NBN: variants seen among roughly 807,000 people sequenced by gnomAD.
NBN encodes nibrin.
In NBN, 88 loss-of-function variants were observed where a neutral mutation model predicts 90.8. The observed-to-expected ratio is 0.97, with a 90% CI of 0.82 to 1.16. The LOEUF (loss-of-function observed/expected upper bound fraction) is 1.16. Ranked by LOEUF, NBN falls within the 50% of genes most tolerant of loss-of-function variation. The pLI, the probability that NBN is intolerant of heterozygous loss-of-function variation, is 0.00. For missense variants in NBN, 894 were observed against 869.6 expected (o/e 1.03, Z -0.35); for synonymous variants, 328 against 295.1 (o/e 1.11, Z -1.14).
At chr8:89,978,670 AT>A (rs1413808930) in intron 4 of NBN, among the ~76,000 whole-genome samples, 5 of 152,218 alleles carry the variant, frequency 3.3e-5, no homozygotes, top group African/African-American at 1.2e-4. Context: ...TGTTAAAAAT[AT>A]ATTTCAGAAT....
chr8:89,979,231 G>A (rs942887398), intron 4 of NBN, among the ~76,000 whole-genome samples: 3 of 152,074 alleles, frequency 2.0e-5, no homozygotes, highest in East Asian at 1.9e-4. Flanking sequence ...CTCCCACCTC[G>A]GCATCCCAAA....
intron 8 of NBN, among the ~76,000 whole-genome samples, chr8:89,960,236 TTCTC>T (rs1390472969): frequency 2.0e-5 from 3 of 152,240 alleles, no homozygotes; most frequent in Non-Finnish European, 4.4e-5. Context: ...TTCCGCCACT[TTCTC>T]TATGTGACCT....
At chr8:89,940,784 G>A (rs1809904130) in intron 14 of NBN, among the ~76,000 whole-genome samples, 1 of 151,866 alleles carries the variant, frequency 6.6e-6, no homozygotes. Context: ...AATGAAAAAA[G>A]AACAAATGCT....
At chr8:89,981,676 C>G in intron 2 of NBN, 153 bp from the exon 3 acceptor site, 1 of 752,034 alleles carries the variant, frequency 1.3e-6, no homozygotes, top group Non-Finnish European at 2.1e-6. Context: ...AGAGGAAGAT[C>G]ACTCAACTAA....
chr8:89,974,169 T>C (rs1165526745), intron 5 of NBN, among the ~76,000 whole-genome samples: 3 of 152,106 alleles, frequency 2.0e-5, no homozygotes, highest in African/African-American at 7.2e-5. Flanking sequence ...CACATACTTA[T>C]TTGTTCAATA....
rs749206453 is a variant in NBN, at chr8:89,982,746, A to T, written c.147T>A (p.Thr49=). 6.2e-7 allele frequency: 1 copy of T among 1,614,030 alleles called. No individual in the cohort carries two copies. Among genetic ancestry groups the T allele is most frequent in the Non-Finnish European group, 8.5e-7 (1 of 1,179,942 alleles). The change falls in exon 2 of 16, where the codon ACT becomes ACA. Residue 49 remains threonine, a synonymous_variant. Coordinates refer to ENST00000265433, the MANE Select transcript of NBN (RefSeq NM_002485.5). The part of the protein sequence containing the change: ...QSISRNHAVL[T]ANFSVTNLSQ... ...CCAGGTTGGTTACAGAAAAGTTAGC[A>T]GTTAACACAGCATGATTTCGGCTGA...
Position 89,966,786 on chromosome 8 carries a change from G to A in NBN, c.897-2279C>T, listed in dbSNP as rs556550748. Among the ~76,000 whole-genome samples, 4 of 152,302 alleles carry A rather than the reference G, an allele frequency of 2.6e-5. No homozygotes were observed. The South Asian group carries it at 8.3e-4, about 32-fold the overall frequency. ...TACCAGCTAGGAGGACTTCATGGAA[G>A]TTATACTAATTAAGACAATGTGGTA... On this transcript the variant is annotated intron_variant, in intron 7 of 15. Coordinates refer to ENST00000265433, the MANE Select transcript of NBN (RefSeq NM_002485.5).
chr8:89,951,608 G>A (rs907973226), intron 11 of NBN, among the ~76,000 whole-genome samples: 1 of 152,138 alleles, frequency 6.6e-6, no homozygotes, highest in African/African-American at 2.4e-5. Context: ...AGCAAATGAT[G>A]TCTTGGATTT....
At chr8:89,968,516 C>T (rs934817638) in intron 7 of NBN, among the ~76,000 whole-genome samples, 1 of 152,160 alleles carries the variant, frequency 6.6e-6, no homozygotes, top group African/African-American at 2.4e-5. Flanking sequence ...AGGACCACAA[C>T]AGTAAATAAT....
Position 89,955,333 on chromosome 8 carries a change from C to T in NBN, c.1347G>A (p.Gln449=), listed in dbSNP as rs761492204. ...AGTTTCTGATGGAGTTGGTCTGCTG[C>T]TGCTGAGAAGCCCTATCTTTACTTT... is the stretch of plus-strand genomic sequence containing the variant. ...INKSKDRASQ[Q]QQTNSIRNYF... is the part of the protein sequence containing the mutation. Residue 449 remains glutamine, a synonymous_variant, in exon 10 of 16, where the codon CAG becomes CAA. Coordinates refer to ENST00000265433, the MANE Select transcript of NBN (RefSeq NM_002485.5). 3 of 1,613,746 alleles carry T rather than the reference C, an allele frequency of 1.9e-6. No homozygotes were observed. The highest frequency in any genetic ancestry group is 1.1e-5 in the South Asian group (1 of 91,068).
At chr8:89,966,594 A>G (rs1374276795) in intron 7 of NBN, among the ~76,000 whole-genome samples, 2 of 152,240 alleles carry the variant, frequency 1.3e-5, no homozygotes, top group East Asian at 3.8e-4. Flanking sequence ...AAAAACAATT[A>G]AAATTTACAT....
chr8:89,938,219 C>T (rs931345065), intron 14 of NBN, among the ~76,000 whole-genome samples: 1 of 152,158 alleles, frequency 6.6e-6, no homozygotes, highest in Non-Finnish European at 1.5e-5. Flanking sequence ...TAGAGTAAGT[C>T]CTGACTTAAT....
In NBN at chr8:89,962,227, G is replaced by A. The variant is rs533375851; in HGVS notation, c.994+2183C>T. 3.0e-4 allele frequency among the ~76,000 whole-genome samples: 45 copies of A among 152,230 alleles called. No homozygotes were observed. In the South Asian group the frequency reaches 6.4e-3, roughly 22 times the overall value. Reference sequence around the variant, plus strand: ...ATGTTCTGAATCATGGACAATGTACGTTTGTATTCAGAATTGTTTCTGAAG... The same window carrying A: ...ATGTTCTGAATCATGGACAATGTACATTTGTATTCAGAATTGTTTCTGAAG... On this transcript the variant is annotated intron_variant, in intron 8 of 15. Transcript: ENST00000265433.
chr8:89,971,979 T>C (rs1247749919), intron 5 of NBN, among the ~76,000 whole-genome samples: 1 of 152,220 alleles, frequency 6.6e-6, no homozygotes, highest in South Asian at 2.1e-4. Flanking sequence ...TTGCTACAGC[T>C]GTTCATAACT....
intron 13 of NBN, among the ~76,000 whole-genome samples, chr8:89,944,574 T>A (rs1334472725): frequency 6.6e-6 from 1 of 152,144 alleles, no homozygotes; most frequent in Non-Finnish European, 1.5e-5. Flanking sequence ...TAAATTCTTT[T>A]CACCAACCCG....
At chr8:89,956,851 T>C (rs1371853045) in intron 9 of NBN, among the ~76,000 whole-genome samples, 1 of 152,214 alleles carries the variant, frequency 6.6e-6, no homozygotes, top group African/African-American at 2.4e-5. Flanking sequence ...CAACATATGA[T>C]GCTGGTCCCA....
intron 1 of NBN, chr8:89,984,175 G>C (rs1050491095): frequency 2.3e-6 from 1 of 427,320 alleles, no homozygotes; most frequent in Non-Finnish European, 4.3e-6. Flanking sequence ...ACTTCCTGCC[G>C]GGGGTTCCCA....
At chr8:89,944,372 T>G (rs1171211722) in intron 13 of NBN, among the ~76,000 whole-genome samples, 2 of 152,148 alleles carry the variant, frequency 1.3e-5, no homozygotes, top group African/African-American at 4.8e-5. Flanking sequence ...ACTAAAATTT[T>G]TATACATCTC....
At position 89,971,270 on chromosome 8, in the gene NBN, T is replaced by G; in HGVS notation, c.605A>C (p.Glu202Ala). Residue 202 changes from glutamate to alanine, a missense_variant, in exon 6 of 16, where the codon GAA becomes GCA. Physicochemically the swap from Glu to Ala is moderately radical, Grantham distance 107 (BLOSUM62 -1). Coordinates refer to ENST00000265433, the MANE Select transcript of NBN (RefSeq NM_002485.5). ...AACATTTTTACTTCCAATAGATGGTTCATCAAGAGGTGGGTAAAAACTGTA... is the reference window on the plus strand; with the variant it reads ...AACATTTTTACTTCCAATAGATGGTGCATCAAGAGGTGGGTAAAAACTGTA... ...QIESFYPPLD[E>A]PSIGSKNVDL... 1 of 1,612,836 alleles carries G rather than the reference T, an allele frequency of 6.2e-7. No homozygotes were observed. The highest frequency in any genetic ancestry group is 8.5e-7 in the Non-Finnish European group (1 of 1,179,246).
Sources: allele counts gnomAD v4.1 joint callset (sites outside exome capture counted in the v4.1 genomes callset), GRCh38; gene constraint gnomAD v4.1.1; transcripts MANE v1.5; gene names NCBI Gene and HGNC (gene_info 2026-07-23, HGNC 2026-07-21).